PDE4D: variants seen among roughly 807,000 people sequenced by gnomAD.
PDE4D encodes 3',5'-cyclic-AMP phosphodiesterase 4D.
A neutral mutation model predicts 87.4 loss-of-function variants in PDE4D; 24 were observed. The ratio of observed to expected loss-of-function variants is 0.27; its 90% confidence interval spans 0.20 to 0.39. The LOEUF is 0.39. Among genes scored for constraint, PDE4D ranks in the 10% least tolerant of loss-of-function variants. The pLI is 1.00. For synonymous variants in PDE4D, 384 were observed against 383.2 expected (o/e 1.00, Z -0.02); for missense variants, 714 against 1,041.0 (o/e 0.69, Z 4.32).
chr5:59,366,666 T>C (rs1045568737), intron 1 of PDE4D, among the ~76,000 whole-genome samples: 3 of 152,198 alleles, frequency 2.0e-5, no homozygotes, highest in African/African-American at 7.2e-5. Context: ...TTTTTGGGTT[T>C]TCTGTGGGTT....
chr5:59,868,306 T>A (rs918098428), intron 1 of PDE4D, among the ~76,000 whole-genome samples: 1 of 152,178 alleles, frequency 6.6e-6, no homozygotes, highest in African/African-American at 2.4e-5. Flanking sequence ...CAAAAAACTG[T>A]GAGAAGAGTG....
intron 2 of PDE4D, among the ~76,000 whole-genome samples, chr5:59,200,088 T>TGTAGACATACGTATGCACACATACATGC (rs1231757640): frequency 2.5e-4 from 31 of 121,626 alleles, no homozygotes; most frequent in African/African-American, 9.2e-4. Flanking sequence ...CACATACATG[T>TGTAGACATACGTATGCACACATACATGC]ATGTAGACAT....
chr5:59,793,004 G>C (rs918552508), intron 1 of PDE4D, among the ~76,000 whole-genome samples: 1 of 152,202 alleles, frequency 6.6e-6, no homozygotes, highest in Non-Finnish European at 1.5e-5. Context: ...GATATGCAGG[G>C]AAGAAGAGTC....
At chr5:58,978,416 AAAAAGAAAAG>A (rs368836001) in intron 11 of PDE4D, among the ~76,000 whole-genome samples, 4 of 152,212 alleles carry the variant, frequency 2.6e-5, no homozygotes, top group Middle Eastern at 3.2e-3. Context: ...ACTCTGTTTC[AAAAAGAAAAG>A]AAAAGAAAAG....
intron 2 of PDE4D, among the ~76,000 whole-genome samples, chr5:60,181,762 T>G (rs1784396447): frequency 6.6e-6 from 1 of 152,090 alleles, no homozygotes; most frequent in Admixed American, 6.5e-5. Context: ...ACAAGAAAAT[T>G]TATTAATGAA....
chr5:60,297,997 AATGT>A (rs1400526434), intron 1 of PDE4D, among the ~76,000 whole-genome samples: 2 of 152,226 alleles, frequency 1.3e-5, no homozygotes, highest in African/African-American at 4.8e-5. Flanking sequence ...CATTCAAAAT[AATGT>A]ATTTCTCAAT....
intron 1 of PDE4D, among the ~76,000 whole-genome samples, chr5:60,337,446 G>C (rs1361307774): frequency 6.9e-6 from 1 of 145,232 alleles, no homozygotes; most frequent in Admixed American, 7.0e-5. Flanking sequence ...AGGAGCTGAA[G>C]ATGTGGGGAG....
chr5:60,141,694 G>A (rs979712073), intron 2 of PDE4D, among the ~76,000 whole-genome samples: 1 of 152,056 alleles, frequency 6.6e-6, no homozygotes, highest in Non-Finnish European at 1.5e-5. Flanking sequence ...TTGCCTTCCT[G>A]TGGACCTAGG....
At chr5:59,583,083 C>T (rs1054002261) in intron 1 of PDE4D, among the ~76,000 whole-genome samples, 7 of 152,126 alleles carry the variant, frequency 4.6e-5, no homozygotes. Flanking sequence ...ATAAAATGCC[C>T]TCCTAAATTG....
intron 1 of PDE4D, among the ~76,000 whole-genome samples, chr5:59,632,331 A>G (rs759783070): frequency 3.3e-5 from 5 of 152,188 alleles, no homozygotes; most frequent in Non-Finnish European, 5.9e-5. Context: ...GCAGACTTAA[A>G]TGTTCCTGCC....
At chr5:60,277,448 T>C (rs897474366) in intron 1 of PDE4D, among the ~76,000 whole-genome samples, 6 of 152,168 alleles carry the variant, frequency 3.9e-5, no homozygotes, top group Non-Finnish European at 7.4e-5. Flanking sequence ...TGCATTTCTT[T>C]ACACCAATAA....
At chr5:60,173,249 T>C (rs1206532113) in intron 2 of PDE4D, among the ~76,000 whole-genome samples, 1 of 104 alleles carries the variant, frequency 9.6e-3, no homozygotes, top group African/African-American at 0.042. Context: ...TTACTAGTTG[T>C]GCATCTTGGC....
rs1161861868 is a variant in PDE4D at position 58,998,576 on chromosome 5, T to A, written c.922-5111A>T. Reference sequence around the variant, plus strand: ...ACTACTTGGACAACCAAGACTGAAATAAGTTTTCTAATTTTTTTAGAATTC... The same window carrying A: ...ACTACTTGGACAACCAAGACTGAAAAAAGTTTTCTAATTTTTTTAGAATTC... On this transcript the variant is annotated intron_variant, in intron 6 of 14. Transcript: ENST00000340635. 3.3e-5 allele frequency among the ~76,000 whole-genome samples: 5 copies of A among 152,156 alleles called. No individual in the cohort carries two copies. The South Asian group carries it at 8.3e-4, about 25-fold the overall frequency.
intron 3 of PDE4D, among the ~76,000 whole-genome samples, chr5:59,940,417 T>G (rs1382686130): frequency 1.3e-5 from 2 of 152,102 alleles, no homozygotes; most frequent in Non-Finnish European, 2.9e-5. Context: ...TGAGAGATGA[T>G]GGCAGATTAC....
chr5:59,708,434 AAGAG>A (rs1191382972), intron 1 of PDE4D, among the ~76,000 whole-genome samples: 2 of 152,210 alleles, frequency 1.3e-5, no homozygotes, highest in Non-Finnish European at 2.9e-5. Context: ...ATAAGGAAGA[AAGAG>A]AGAAGAATCA....
At chr5:59,164,668 A>T (rs1781634642) in intron 5 of PDE4D, among the ~76,000 whole-genome samples, 1 of 152,110 alleles carries the variant, frequency 6.6e-6, no homozygotes, top group East Asian at 1.9e-4. Context: ...TAAAAAAATG[A>T]TTTAATAAAC....
chr5:59,518,085 A>G (rs1345192159), intron 1 of PDE4D, among the ~76,000 whole-genome samples: 2 of 152,112 alleles, frequency 1.3e-5, no homozygotes, highest in Non-Finnish European at 1.5e-5. Flanking sequence ...ATTCTCAAGC[A>G]TTCCAATTGG....
chr5:60,445,505 TA>T, intron 1 of PDE4D, among the ~76,000 whole-genome samples: 1 of 152,204 alleles, frequency 6.6e-6, no homozygotes, highest in Admixed American at 6.5e-5. Flanking sequence ...GATTTGCATG[TA>T]AAATAAAGAA....
intron 1 of PDE4D, among the ~76,000 whole-genome samples, chr5:59,730,194 T>C (rs1304139086): frequency 1.3e-5 from 2 of 152,070 alleles, no homozygotes; most frequent in African/African-American, 4.8e-5. Context: ...CAAGCTGGAA[T>C]GGGGAAGAAA....
Sources: gnomAD v4.1 joint callset for allele counts (sites outside exome capture counted in the v4.1 genomes callset) on GRCh38, gnomAD v4.1.1 for gene constraint, MANE v1.5 for transcripts, NCBI Gene and HGNC (gene_info 2026-07-23, HGNC 2026-07-21) for gene names.